SCFD2: variants seen among roughly 807,000 people sequenced by gnomAD.
SCFD2 encodes sec1 family domain containing 2.
In SCFD2, 54 loss-of-function variants were observed where a neutral mutation model predicts 58.9. The ratio of observed to expected loss-of-function variants is 0.92; its 90% CI spans 0.74 to 1.15. The LOEUF is 1.15. SCFD2 is among the 50% of genes most tolerant of loss of function. The pLI, the probability that SCFD2 is intolerant of heterozygous loss-of-function variation, is 0.00. For synonymous variants in SCFD2, 321 were observed against 335.9 expected (o/e 0.96, Z 0.49); for missense variants, 805 against 836.6 (o/e 0.96, Z 0.47).
intron 5 of SCFD2, among the ~76,000 whole-genome samples, chr4:52,971,774 G>T (rs1358451321): frequency 6.6e-6 from 1 of 152,120 alleles, no homozygotes; most frequent in East Asian, 1.9e-4. Flanking sequence ...GAGAAAGGTC[G>T]GGTTACCCAC....
chr4:53,072,827 C>T (rs1175450044), intron 5 of SCFD2, among the ~76,000 whole-genome samples: 1 of 152,100 alleles, frequency 6.6e-6, no homozygotes, highest in Non-Finnish European at 1.5e-5. Context: ...AACTCCCACT[C>T]CTAAACTCAC....
intron 5 of SCFD2, among the ~76,000 whole-genome samples, chr4:52,976,038 G>C (rs1206896664): frequency 9.0e-6 from 1 of 110,572 alleles, no homozygotes; most frequent in Non-Finnish European, 1.8e-5. Flanking sequence ...TGGGGGGAGG[G>C]GGGAGGGATA....
At chr4:52,970,796 C>T (rs900123419) in intron 5 of SCFD2, among the ~76,000 whole-genome samples, 1 of 152,196 alleles carries the variant, frequency 6.6e-6, no homozygotes, top group African/African-American at 2.4e-5. Context: ...CCTCACACGG[C>T]CGGGTACTCC....
At position 53,131,399 on chromosome 4, in the gene SCFD2, T is replaced by C. The variant is rs564593959; in HGVS notation, c.1561+13934A>G. ...GATCTGAACAGTGTATCAAAGGAAA[T>C]AGAAATGGGCTGCAGGGAGGTGCTG... On this transcript the variant is annotated intron_variant, in intron 5 of 8. Coordinates refer to ENST00000401642, the MANE Select transcript of SCFD2 (RefSeq NM_152540.4). 1.0e-3 allele frequency among the ~76,000 whole-genome samples: 156 copies of C among 151,970 alleles called. 1 individual carries two copies. Among genetic ancestry groups the C allele is most frequent in the African/African-American group, 3.6e-3 (148 of 41,446 alleles).
intron 4 of SCFD2, among the ~76,000 whole-genome samples, chr4:53,171,826 A>C (rs1432814069): frequency 1.3e-5 from 2 of 151,844 alleles, no homozygotes; most frequent in Non-Finnish European, 2.9e-5. Context: ...TTTCTGTGGT[A>C]TCACCTTCAA....
At chr4:52,987,607 C>T (rs1400655869) in intron 5 of SCFD2, among the ~76,000 whole-genome samples, 1 of 152,186 alleles carries the variant, frequency 6.6e-6, no homozygotes, top group Non-Finnish European at 1.5e-5. Flanking sequence ...GAGTAGAGGA[C>T]TGGCAATGTG....
At position 53,134,566 on chromosome 4, in the gene SCFD2, T is replaced by C. The variant is rs555613725; in HGVS notation, c.1561+10767A>G. Among the ~76,000 whole-genome samples the C allele has an allele frequency of 5.3e-5, 8 of 152,340 alleles. No individual in the cohort carries two copies. In the South Asian group the frequency reaches 1.7e-3, roughly 32 times the overall value. ...CTACAAAGGTAATTTATACATTTTA[T>C]GCAAATAAATGTGAAGCTTTTGATT... On this transcript the variant is annotated intron_variant, in intron 5 of 8. Transcript: ENST00000401642.
At chr4:53,168,831 G>T (rs1207094851) in intron 4 of SCFD2, among the ~76,000 whole-genome samples, 4 of 152,164 alleles carry the variant, frequency 2.6e-5, no homozygotes, top group African/African-American at 9.7e-5. Flanking sequence ...CTGTGCAACA[G>T]ATCTCAAAAA....
At chr4:53,129,057 A>T (rs751879897) in intron 5 of SCFD2, among the ~76,000 whole-genome samples, 9 of 152,350 alleles carry the variant, frequency 5.9e-5, no homozygotes, top group Middle Eastern at 3.4e-3. Context: ...TTTGGCTTTA[A>T]AAAAGCTTCA....
intron 5 of SCFD2, among the ~76,000 whole-genome samples, chr4:53,122,242 T>C (rs1299416240): frequency 6.6e-6 from 1 of 152,036 alleles, no homozygotes; most frequent in Non-Finnish European, 1.5e-5. Flanking sequence ...CTGGGCATGG[T>C]GGTGGGCACA....
chr4:52,990,248 G>A (rs1271938735), intron 5 of SCFD2, among the ~76,000 whole-genome samples: 3 of 152,198 alleles, frequency 2.0e-5, no homozygotes, highest in Non-Finnish European at 2.9e-5. Context: ...CTGAAAACAT[G>A]TTTCTAATGA....
At chr4:52,916,395 C>A (rs1033010277) in intron 6 of SCFD2, among the ~76,000 whole-genome samples, 11 of 152,208 alleles carry the variant, frequency 7.2e-5, no homozygotes, top group African/African-American at 2.7e-4. Flanking sequence ...CATGGCGAAA[C>A]CCTGTCTCTA....
intron 4 of SCFD2, among the ~76,000 whole-genome samples, chr4:53,168,661 G>A (rs1414817151): frequency 6.6e-6 from 1 of 152,158 alleles, no homozygotes; most frequent in African/African-American, 2.4e-5. Flanking sequence ...GGTACAAAGT[G>A]ATGTTATGAT....
intron 2 of SCFD2, among the ~76,000 whole-genome samples, chr4:53,323,281 G>A (rs1379908188): frequency 2.0e-5 from 3 of 152,194 alleles, no homozygotes; most frequent in Non-Finnish European, 2.9e-5. Context: ...ATTTTGTTAA[G>A]ATGTTTTGTA....
chr4:52,923,518 G>A (rs115266839), intron 5 of SCFD2, among the ~76,000 whole-genome samples: 1,794 of 91,958 alleles, frequency 0.02, 36 homozygotes, highest in African/African-American at 0.061. Flanking sequence ...ATAAATAAAT[G>A]TGTGGTCAAG....
intron 4 of SCFD2, among the ~76,000 whole-genome samples, chr4:53,262,003 T>C (rs1204631477): frequency 6.6e-6 from 1 of 152,232 alleles, no homozygotes; most frequent in African/African-American, 2.4e-5. Flanking sequence ...TTTATCATTA[T>C]ATAAGGTCCC....
chr4:52,962,216 T>C (rs752908032), intron 5 of SCFD2, among the ~76,000 whole-genome samples: 1 of 152,202 alleles, frequency 6.6e-6, no homozygotes, highest in Non-Finnish European at 1.5e-5. Context: ...GGCTCTCTGA[T>C]TCCAGGAAGT....
intron 5 of SCFD2, among the ~76,000 whole-genome samples, chr4:53,060,567 C>T (rs1300943437): frequency 4.6e-5 from 7 of 152,040 alleles, no homozygotes; most frequent in Non-Finnish European, 7.4e-5. Flanking sequence ...CTCATTTTCT[C>T]ATAAGTACAT....
intron 5 of SCFD2, among the ~76,000 whole-genome samples, chr4:53,078,123 C>G (rs572144271): frequency 6.6e-6 from 1 of 152,138 alleles, no homozygotes; most frequent in Non-Finnish European, 1.5e-5. Flanking sequence ...TTAGCACCAT[C>G]ATTTGCCTTA....
Sources: allele counts gnomAD v4.1 joint callset (sites outside exome capture counted in the v4.1 genomes callset), GRCh38; gene constraint gnomAD v4.1.1; transcripts MANE v1.5; gene names NCBI Gene and HGNC (gene_info 2026-07-23, HGNC 2026-07-21).